The following POU2F1 variants were observed in gnomAD, a reference collection of about 807,000 sequenced individuals.
POU2F1 encodes POU class 2 homeobox 1, also known as POU domain, class 2, transcription factor 1.
In POU2F1, 16 loss-of-function variants were observed where a neutral mutation model predicts 84.9. That is an observed-to-expected ratio of 0.19 (90% confidence interval 0.13 to 0.29). POU2F1 has a LOEUF of 0.29. Ranked by LOEUF, POU2F1 falls within the 10% of genes least tolerant of loss-of-function variation. POU2F1 has a pLI of 1.00. For synonymous variants in POU2F1, 368 were observed against 368.3 expected (o/e 1.00, Z 0.01); for missense variants, 738 against 942.6 (o/e 0.78, Z 2.84).
At chr1:167,401,624 C>G (rs1006190786) in intron 13 of POU2F1, 68 bp downstream of exon 13, 12 of 993,292 alleles carry the variant, frequency 1.2e-5, no homozygotes, top group Non-Finnish European at 1.7e-5. Flanking sequence ...TTATAAGAGT[C>G]TACCATTAAA....
chr1:167,302,254 T>G (rs1654755032), intron 1 of POU2F1, among the ~76,000 whole-genome samples: 1 of 151,904 alleles, frequency 6.6e-6, no homozygotes, highest in South Asian at 2.1e-4. Context: ...CGGCTAATTT[T>G]TTTTTTCTTT....
chr1:167,320,129 C>T (rs1170335726), intron 1 of POU2F1, among the ~76,000 whole-genome samples: 1 of 150,306 alleles, frequency 6.7e-6, no homozygotes, highest in South Asian at 2.1e-4. Context: ...TAAGTAAAGT[C>T]GTCAGCTGCT....
At position 167,421,295 on chromosome 1, in the gene POU2F1, A is replaced by G. The variant is rs1650637836; in HGVS notation, c.*5485A>G. ...CCACAATACAAATGTAAACTTGGACAGGAATAGGATAAATAAATTGCTTTC... is the reference window on the plus strand; with the variant it reads ...CCACAATACAAATGTAAACTTGGACGGGAATAGGATAAATAAATTGCTTTC... On this transcript the variant is annotated 3_prime_UTR_variant, in exon 16 of 16. Coordinates refer to ENST00000367866, the MANE Select transcript of POU2F1 (RefSeq NM_002697.4). The G allele has an allele frequency of 2.0e-5, 3 of 152,250 alleles. No individual in the cohort carries two copies. Among genetic ancestry groups the G allele is most frequent in the Admixed American group, 1.3e-4 (2 of 15,288 alleles). The allele number at this position is 152,250 out of a possible 1,614,324, so 9.4% of individuals were successfully genotyped here.
At position 167,332,667 on chromosome 1, in the gene POU2F1, C is replaced by T. The variant is rs970456323; in HGVS notation, c.127+132C>T. On this transcript the variant is annotated intron_variant, in intron 2 of 15. Transcript: ENST00000367866. Reference sequence around the variant, plus strand: ...ATTGAGTTGTCAAATATGATTCAGTCCTTTAGGAACTGGGAGGGATTATGT... The same window carrying T: ...ATTGAGTTGTCAAATATGATTCAGTTCTTTAGGAACTGGGAGGGATTATGT... 6.5e-6 allele frequency: 4 copies of T among 616,000 alleles called. No individual in the cohort carries two copies. In the African/African-American group the frequency reaches 7.4e-5, roughly 11 times the overall value. 38.2% of individuals were successfully genotyped at this position (616,000 alleles called of 1,614,324 possible).
intron 14 of POU2F1, among the ~76,000 whole-genome samples, chr1:167,412,676 C>T (rs868089359): frequency 1.3e-5 from 2 of 152,128 alleles, no homozygotes; most frequent in African/African-American, 4.8e-5. Context: ...TAATAGGAGT[C>T]TCAATTTTAT....
rs1557824701 is a variant in POU2F1, at chr1:167,220,945, G to A, written c.48G>A (p.Ala16=). The A allele has an allele frequency of 2.0e-6, 3 of 1,535,326 alleles. No homozygotes were observed. In the Admixed American group the frequency reaches 5.9e-5, roughly 30 times the overall value. ...GTCAAGATGAGAGTTCAGCCGCGGC[G>A]GCAGCAGCAGCAGGTAATCATTACA... ...AASQDESSAA[A]AAAADSRMNN... The change falls in exon 1 of 16, where the codon GCG becomes GCA. Residue 16 remains alanine (A), a synonymous_variant. Coordinates refer to ENST00000367866, the MANE Select transcript of POU2F1 (RefSeq NM_002697.4).
intron 13 of POU2F1, among the ~76,000 whole-genome samples, chr1:167,410,937 T>TA (rs1468905195): frequency 6.6e-6 from 1 of 152,260 alleles, no homozygotes; most frequent in African/African-American, 2.4e-5. Flanking sequence ...TAGTGTTTAG[T>TA]AATGATATAT....
At chr1:167,327,485 C>T (rs1656783783) in intron 1 of POU2F1, among the ~76,000 whole-genome samples, 1 of 152,192 alleles carries the variant, frequency 6.6e-6, no homozygotes, top group Admixed American at 6.5e-5. Flanking sequence ...TTTTGGTCCT[C>T]TACTGACTTG....
chr1:167,288,256 A>G (rs565395775), intron 1 of POU2F1, among the ~76,000 whole-genome samples: 32 of 149,674 alleles, frequency 2.1e-4, no homozygotes, highest in African/African-American at 7.4e-4. Flanking sequence ...TGGCTAACAG[A>G]TATATTATTC....
chr1:167,359,260 G>A (rs539497223), intron 2 of POU2F1, among the ~76,000 whole-genome samples: 5 of 151,790 alleles, frequency 3.3e-5, no homozygotes, highest in African/African-American at 9.7e-5. Context: ...TGGGTATATC[G>A]CCTGATGCTG....
At chr1:167,412,363 A>C in intron 14 of POU2F1, 59 bp downstream of exon 14, 8 of 1,384,742 alleles carry the variant, frequency 5.8e-6, no homozygotes, top group Non-Finnish European at 7.8e-6. Flanking sequence ...GGAATTACTC[A>C]CAGGGGAGAC....
intron 8 of POU2F1, among the ~76,000 whole-genome samples, chr1:167,388,933 T>G (rs1004664685): frequency 3.3e-5 from 5 of 152,174 alleles, no homozygotes; most frequent in African/African-American, 4.8e-5. Context: ...TAATTTTTAT[T>G]TTTTAGAGAC....
At chr1:167,309,640 G>C (rs1329814849) in intron 1 of POU2F1, among the ~76,000 whole-genome samples, 1 of 151,950 alleles carries the variant, frequency 6.6e-6, no homozygotes, top group Non-Finnish European at 1.5e-5. Flanking sequence ...CACCACCTTT[G>C]GTTAATTTGC....
In POU2F1 at chr1:167,398,140, G is replaced by C; in HGVS notation, c.1269+7G>C. Reference sequence around the variant, plus strand: ...AGAGAAGAGTTTCTTGGAGGTCAGTGAGGATTTTACTTTTCTGTACATGGG... The same window carrying C: ...AGAGAAGAGTTTCTTGGAGGTCAGTCAGGATTTTACTTTTCTGTACATGGG... On this transcript the variant is annotated splice_region_variant and intron_variant, in intron 11 of 15. Transcript: ENST00000367866. 6.2e-7 allele frequency: 1 copy of C among 1,613,252 alleles called. No individual in the cohort carries two copies. Among genetic ancestry groups the C allele is most frequent in the Non-Finnish European group, 8.5e-7 (1 of 1,179,650 alleles).
chr1:167,381,603 CTTTTTTT>C (rs147770215), intron 7 of POU2F1, among the ~76,000 whole-genome samples: 8 of 65,988 alleles, frequency 1.2e-4, no homozygotes, highest in Admixed American at 2.1e-4. Context: ...GCTCTCTTCT[CTTTTTTT>C]TTTTTTTTTT....
chr1:167,243,881 T>C (rs1357847902), intron 1 of POU2F1, among the ~76,000 whole-genome samples: 1 of 152,232 alleles, frequency 6.6e-6, no homozygotes, highest in African/African-American at 2.4e-5. Context: ...ATAAATATAG[T>C]ACAGGACCCA....
intron 2 of POU2F1, among the ~76,000 whole-genome samples, chr1:167,336,291 C>G (rs1329159897): frequency 6.6e-6 from 1 of 152,178 alleles, no homozygotes; most frequent in Middle Eastern, 3.2e-3. Flanking sequence ...CCTCTTGTTG[C>G]TATTGCAATG....
chr1:167,411,428 C>CT (rs1162189619), intron 13 of POU2F1, among the ~76,000 whole-genome samples: 4 of 151,476 alleles, frequency 2.6e-5, no homozygotes, highest in African/African-American at 9.7e-5. Flanking sequence ...CCACAATGGA[C>CT]TTTTTGAGAG....
intron 1 of POU2F1, among the ~76,000 whole-genome samples, chr1:167,282,366 G>A (rs1297421017): frequency 1.3e-5 from 2 of 152,002 alleles, no homozygotes; most frequent in Admixed American, 6.5e-5. Context: ...GGATGGTCTC[G>A]ATTTCCTGAC....
Sources: gnomAD v4.1 joint callset for allele counts (sites outside exome capture counted in the v4.1 genomes callset) on GRCh38, gnomAD v4.1.1 for gene constraint, MANE v1.5 for transcripts, NCBI Gene and HGNC (gene_info 2026-07-23, HGNC 2026-07-21) for gene names.